Variants in GPA33 observed in about 807,000 individuals in gnomAD.
GPA33 encodes the protein cell surface A33 antigen.
Under a neutral mutation model 35.6 loss-of-function variants are expected in GPA33, and 27 were observed. The observed-to-expected ratio is 0.76, with a 90% confidence interval of 0.56 to 1.04. GPA33 has a LOEUF of 1.04. Ranked by LOEUF, GPA33 falls within the 50% of genes least tolerant of loss-of-function variation. GPA33 has a pLI of 0.00. For missense variants in GPA33, 428 were observed against 411.9 expected (o/e 1.04, Z -0.34); for synonymous variants, 176 against 164.0 (o/e 1.07, Z -0.56).
intron 4 of GPA33, among the ~76,000 whole-genome samples, chr1:167,059,778 G>A (rs1212037189): frequency 6.6e-6 from 1 of 152,106 alleles, no homozygotes; most frequent in African/African-American, 2.4e-5. Flanking sequence ...TTTTTTCAAA[G>A]GGCAGTACTA....
chr1:167,081,618 A>T (rs887125928), intron 1 of GPA33, among the ~76,000 whole-genome samples: 1 of 152,234 alleles, frequency 6.6e-6, no homozygotes, highest in Non-Finnish European at 1.5e-5. Context: ...AGGCACCAGA[A>T]AAATGATCAG....
At position 167,083,856 on chromosome 1, in the gene GPA33, G is replaced by A. The variant is rs145761268; in HGVS notation, c.43+6389C>T. Among the ~76,000 whole-genome samples the A allele has an allele frequency of 8.4e-3, 1,281 of 152,246 alleles. 10 individuals are homozygous for A. Among genetic ancestry groups the A allele is most frequent in the Non-Finnish European group, 0.012 (844 of 68,006 alleles). On this transcript the variant is annotated intron_variant, in intron 1 of 6. Coordinates refer to ENST00000367868, the MANE Select transcript of GPA33 (RefSeq NM_005814.3). ...GGCACCAGGGAGGTTTCTTGGGGGT[G>A]TATGATTCCCCATATGATATCCTTT...
chr1:167,054,538 T>C (rs2102161413), intron 6 of GPA33, 72 bp from the exon 7 acceptor site: 1 of 1,594,116 alleles, frequency 6.3e-7, no homozygotes, highest in East Asian at 2.2e-5. Context: ...GGGCCTCATG[T>C]GCATTACAGG....
chr1:167,084,236 C>CA (rs1158619383), intron 1 of GPA33, among the ~76,000 whole-genome samples: 1 of 152,182 alleles, frequency 6.6e-6, no homozygotes, highest in Non-Finnish European at 1.5e-5. Context: ...GAAGGGCAAA[C>CA]AGGCTCAGGA....
chr1:167,061,751 C>T (rs1441074164), intron 4 of GPA33, among the ~76,000 whole-genome samples: 4 of 151,928 alleles, frequency 2.6e-5, no homozygotes, highest in Admixed American at 1.3e-4. Flanking sequence ...TACAGGCGTC[C>T]GCCACCACGT....
chr1:167,058,082 C>T (rs1666349132), intron 4 of GPA33, among the ~76,000 whole-genome samples: 1 of 152,112 alleles, frequency 6.6e-6, no homozygotes, highest in African/African-American at 2.4e-5. Flanking sequence ...GCCTCTAGTC[C>T]CAGGTACTTG....
At chr1:167,062,725 G>C (rs763477155) in intron 4 of GPA33, among the ~76,000 whole-genome samples, 6 of 137,096 alleles carry the variant, frequency 4.4e-5, no homozygotes, top group Admixed American at 3.3e-4. Context: ...TGGTCTCCTG[G>C]CAACTATAGC....
At chr1:167,084,207 G>C (rs541929271) in intron 1 of GPA33, among the ~76,000 whole-genome samples, 3 of 152,336 alleles carry the variant, frequency 2.0e-5, no homozygotes, top group African/African-American at 7.2e-5. Flanking sequence ...TCTGGCTCCA[G>C]GGTGGACAGC....
At chr1:167,067,595 C>A (rs1666628353) in intron 3 of GPA33, among the ~76,000 whole-genome samples, 4 of 152,026 alleles carry the variant, frequency 2.6e-5, no homozygotes, top group Admixed American at 2.6e-4. Context: ...ATTTAAGGGA[C>A]CCCTAACATA....
chr1:167,056,585 TG>T (rs1666263643), intron 4 of GPA33, among the ~76,000 whole-genome samples: 1 of 2,712 alleles, frequency 3.7e-4, no homozygotes, highest in Non-Finnish European at 1.1e-3. Context: ...GGCATATGTG[TG>T]GTATGTGTGT....
Position 167,063,688 on chromosome 1 carries a change from C to G in GPA33, c.465G>C (p.Gly155=), listed in dbSNP as rs202193771. 7.0e-5 allele frequency: 113 copies of G among 1,613,608 alleles called. No individual in the cohort carries two copies. In the East Asian group the frequency reaches 2.3e-3, roughly 33 times the overall value. The change falls in exon 4 of 7, where the codon GGG becomes GGC. Residue 155 remains glycine, a synonymous_variant. Coordinates refer to ENST00000367868, the MANE Select transcript of GPA33 (RefSeq NM_005814.3). ...ATTGGCAGGTCAGCTGGATGTTGTTCCCAATTATGGTCTCTCCCTCGATGC... is the reference window on the plus strand; with the variant it reads ...ATTGGCAGGTCAGCTGGATGTTGTTGCCAATTATGGTCTCTCCCTCGATGC... ...ECGIEGETII[G]NNIQLTCQSK...
At chr1:167,067,477 G>A (rs12404508) in intron 3 of GPA33, among the ~76,000 whole-genome samples, 45,689 of 151,872 alleles carry the variant, frequency 0.3, 8,219 homozygotes, top group South Asian at 0.53. Flanking sequence ...TATCCTTCTG[G>A]CTGGCCCTGG....
intron 1 of GPA33, among the ~76,000 whole-genome samples, chr1:167,089,577 C>G (rs569502603): frequency 5.9e-5 from 9 of 152,290 alleles, no homozygotes; most frequent in African/African-American, 4.8e-5. Context: ...TAGGTCCCCA[C>G]AGAACACTGT....
In GPA33 at chr1:167,054,131, G is replaced by A. The variant is rs1666176457; in HGVS notation, c.*203C>T. ...CACAGCCAGGAGGGGTTACTTCACA[G>A]GACAGTGAGGTCAGCAGGATCAGCA... On this transcript the variant is annotated 3_prime_UTR_variant, in exon 7 of 7. Transcript: ENST00000367868. The A allele has an allele frequency of 3.1e-6, 2 of 646,718 alleles. No individual in the cohort carries two copies. Among genetic ancestry groups the A allele is most frequent in the East Asian group, 5.6e-5 (2 of 35,574 alleles). The allele number at this position is 646,718 out of a possible 1,614,324, so 40.1% of individuals were successfully genotyped here. A position where few individuals can be genotyped will look rare whatever the true frequency, so the allele number is the denominator to read the frequency against.
intron 2 of GPA33, among the ~76,000 whole-genome samples, chr1:167,072,022 A>G (rs1267690561): frequency 6.6e-6 from 1 of 152,192 alleles, no homozygotes; most frequent in Non-Finnish European, 1.5e-5. Context: ...CCTACAAGCT[A>G]AAGGCAGCAG....
At chr1:167,078,280 T>C (rs1312679561) in intron 1 of GPA33, among the ~76,000 whole-genome samples, 2 of 152,216 alleles carry the variant, frequency 1.3e-5, no homozygotes, top group Non-Finnish European at 2.9e-5. Flanking sequence ...GTCATCTTCT[T>C]ACCCTGGCAA....
intron 1 of GPA33, chr1:167,082,342 A>G (rs1015844852): frequency 6.6e-6 from 3 of 455,548 alleles, no homozygotes; most frequent in Non-Finnish European, 8.8e-6. Flanking sequence ...TCTTTTAACA[A>G]TAAAGCCAAC....
intron 1 of GPA33, among the ~76,000 whole-genome samples, chr1:167,087,718 C>T (rs1667083169): frequency 6.6e-6 from 1 of 152,100 alleles, no homozygotes; most frequent in African/African-American, 2.4e-5. Context: ...AGTTCAAGAC[C>T]AGTCTGGCCA....
chr1:167,060,029 G>C (rs970066915), intron 4 of GPA33, among the ~76,000 whole-genome samples: 1 of 152,200 alleles, frequency 6.6e-6, no homozygotes, highest in African/African-American at 2.4e-5. Flanking sequence ...AATTTGGGCT[G>C]ACCCACAGAG....
Sources: gnomAD v4.1 joint callset for allele counts (sites outside exome capture counted in the v4.1 genomes callset) on GRCh38, gnomAD v4.1.1 for gene constraint, MANE v1.5 for transcripts, NCBI Gene and HGNC (gene_info 2026-07-23, HGNC 2026-07-21) for gene names.